BIN2: variants seen among roughly 807,000 people sequenced by gnomAD.
BIN2 encodes the protein bridging integrator 2.
A neutral mutation model predicts 67.9 loss-of-function variants in BIN2; 43 were observed. That is an observed-to-expected ratio of 0.63 (90% CI 0.50 to 0.82). BIN2 has a LOEUF of 0.82. Ranked by LOEUF, BIN2 falls within the 40% of genes least tolerant of loss-of-function variation. The pLI, the probability that BIN2 is intolerant of heterozygous loss-of-function variation, is 0.00. For synonymous variants in BIN2, 244 were observed against 246.8 expected (o/e 0.99, Z 0.11); for missense variants, 581 against 671.6 (o/e 0.87, Z 1.49).
intron 9 of BIN2, among the ~76,000 whole-genome samples, chr12:51,295,576 AAATATATATATATAT>A (rs1945531765): frequency 1.1e-4 from 2 of 18,402 alleles, no homozygotes; most frequent in Non-Finnish European, 1.9e-4. Flanking sequence ...AAAAAAAAAA[AAATATATATATATAT>A]ATATATATAT....
chr12:51,289,635 A>G (rs974320863), intron 10 of BIN2, among the ~76,000 whole-genome samples: 1 of 152,124 alleles, frequency 6.6e-6, no homozygotes, highest in Non-Finnish European at 1.5e-5. Context: ...AAAGAAAAAA[A>G]AGAGTATGAC....
intron 2 of BIN2, among the ~76,000 whole-genome samples, chr12:51,312,864 TAGATGATAG>T (rs1946027404): frequency 6.6e-6 from 1 of 152,184 alleles, no homozygotes; most frequent in Non-Finnish European, 1.5e-5. Context: ...GCTACTGAAT[TAGATGATAG>T]CTAATAACCC....
chr12:51,308,205 G>C (rs1282246300), intron 2 of BIN2, among the ~76,000 whole-genome samples: 1 of 151,982 alleles, frequency 6.6e-6, no homozygotes, highest in East Asian at 1.9e-4. Context: ...CGCTTGTCTG[G>C]GAGTCAAGAA....
At chr12:51,289,791 G>A (rs779058281) in intron 10 of BIN2, among the ~76,000 whole-genome samples, 3 of 149,242 alleles carry the variant, frequency 2.0e-5, no homozygotes, top group East Asian at 2.1e-4. Flanking sequence ...CTGCAGCCTC[G>A]ACCTCATAAG....
intron 1 of BIN2, chr12:51,323,162 T>C (rs955838905): frequency 1.3e-5 from 2 of 152,218 alleles, no homozygotes; most frequent in East Asian, 1.9e-4. Flanking sequence ...CTTCCCTCGC[T>C]CTTTCTTCTG....
At chr12:51,316,258 G>A (rs1173846367) in intron 1 of BIN2, among the ~76,000 whole-genome samples, 2 of 151,556 alleles carry the variant, frequency 1.3e-5, no homozygotes, top group African/African-American at 2.4e-5. Context: ...CGAGGCAGGC[G>A]GATCACTTGA....
At chr12:51,301,161 T>G (rs1945711367) in intron 5 of BIN2, among the ~76,000 whole-genome samples, 2 of 151,826 alleles carry the variant, frequency 1.3e-5, no homozygotes, top group African/African-American at 4.8e-5. Context: ...GGGGTTGCAG[T>G]GAGCCAAGAC....
intron 1 of BIN2, among the ~76,000 whole-genome samples, chr12:51,314,698 C>G (rs1042497620): frequency 6.6e-6 from 1 of 150,512 alleles, no homozygotes; most frequent in Non-Finnish European, 1.5e-5. Flanking sequence ...ACTGGGGAGG[C>G]TGAGGCAGGA....
intron 9 of BIN2, among the ~76,000 whole-genome samples, chr12:51,294,944 T>G (rs1195412483): frequency 6.6e-6 from 1 of 152,070 alleles, no homozygotes; most frequent in Non-Finnish European, 1.5e-5. Context: ...TTTTATTAAT[T>G]TTTTTAGAGA....
At chr12:51,294,401 T>C (rs950607063) in intron 9 of BIN2, among the ~76,000 whole-genome samples, 46 of 152,196 alleles carry the variant, frequency 3.0e-4, no homozygotes, top group African/African-American at 1.1e-3. Context: ...ACCGCGTCTC[T>C]ACTAAAAATA....
intron 2 of BIN2, 133 bp from the exon 3 acceptor site, chr12:51,303,274 A>C: frequency 1.1e-6 from 1 of 943,310 alleles, no homozygotes; most frequent in South Asian, 1.4e-5. Flanking sequence ...AATTGTTATA[A>C]GTCAGCCTTT....
chr12:51,291,350 T>C, intron 10 of BIN2, among the ~76,000 whole-genome samples: 1 of 152,114 alleles, frequency 6.6e-6, no homozygotes, highest in East Asian at 1.9e-4. Flanking sequence ...GGCTCACATC[T>C]GTAATCTCAG....
intron 2 of BIN2, among the ~76,000 whole-genome samples, chr12:51,308,127 T>G (rs965194316): frequency 5.9e-5 from 9 of 152,028 alleles, no homozygotes; most frequent in Non-Finnish European, 1.5e-5. Context: ...CTGGAATATA[T>G]CCAGGCTGAA....
chr12:51,316,988 T>G (rs1228206596), intron 1 of BIN2, among the ~76,000 whole-genome samples: 1 of 152,142 alleles, frequency 6.6e-6, no homozygotes, highest in African/African-American at 2.4e-5. Flanking sequence ...GCAATTCTTC[T>G]GCCCCAGCCT....
intron 7 of BIN2, among the ~76,000 whole-genome samples, chr12:51,298,633 T>G (rs1370110633): frequency 6.6e-6 from 1 of 152,132 alleles, no homozygotes; most frequent in African/African-American, 2.4e-5. Flanking sequence ...AGAATACATG[T>G]GTTCATTAAA....
intron 1 of BIN2, among the ~76,000 whole-genome samples, chr12:51,318,170 T>G (rs1338116082): frequency 1.3e-5 from 2 of 151,958 alleles, no homozygotes; most frequent in Non-Finnish European, 2.9e-5. Flanking sequence ...GACTGGAGTT[T>G]CATTGTGAAG....
chr12:51,294,714 AACAT>A (rs1267287392), intron 9 of BIN2, among the ~76,000 whole-genome samples: 1 of 152,060 alleles, frequency 6.6e-6, no homozygotes, highest in African/African-American at 2.4e-5. Context: ...TTATGTGTGA[AACAT>A]ACATGCACAC....
At position 51,281,352 on chromosome 12, in the gene BIN2, A is replaced by T. The variant is rs527576206; in HGVS notation, c.*147T>A. ...CCCGTAAGGCTGCTCCTCCGCCTCC[A>T]TTAATGCCAGGTCTTTAGACAGCAC... On this transcript the variant is annotated 3_prime_UTR_variant, in exon 13 of 13. Coordinates refer to ENST00000615107, the MANE Select transcript of BIN2 (RefSeq NM_016293.4). 1.2e-6 allele frequency: 1 copy of T among 841,256 alleles called. No individual in the cohort carries two copies. The highest frequency in any genetic ancestry group is 1.7e-5 in the African/African-American group (1 of 59,462). 52.1% of individuals were successfully genotyped at this position (841,256 alleles called of 1,614,324 possible). A position where few individuals can be genotyped will look rare whatever the true frequency, so the allele number is the denominator to read the frequency against.
chr12:51,281,611 T>C (rs1190357455), intron 12 of BIN2, 83 bp from the exon 13 acceptor site: 2 of 1,363,436 alleles, frequency 1.5e-6, no homozygotes, highest in African/African-American at 2.9e-5. Flanking sequence ...AGTTTGCTTC[T>C]ACTGAATTAT....
Sources: allele counts gnomAD v4.1 joint callset (sites outside exome capture counted in the v4.1 genomes callset), GRCh38; gene constraint gnomAD v4.1.1; transcripts MANE v1.5; gene names NCBI Gene and HGNC (gene_info 2026-07-23, HGNC 2026-07-21).